LHFPL3: variants seen among roughly 807,000 people sequenced by gnomAD.
The protein encoded by LHFPL3 is LHFPL tetraspan subfamily member 3.
Under a neutral mutation model 19.3 loss-of-function variants are expected in LHFPL3, and 5 were observed. The ratio of observed to expected loss-of-function variants is 0.26; its 90% CI spans 0.14 to 0.54. The LOEUF is 0.54. Among genes scored for constraint, LHFPL3 ranks in the 20% least tolerant of loss-of-function variants. LHFPL3 has a pLI of 0.94. For synonymous variants in LHFPL3, 133 were observed against 126.2 expected (o/e 1.05, Z -0.36); for missense variants, 249 against 307.4 (o/e 0.81, Z 1.42).
chr7:104,361,014 G>GA (rs1790381673), intron 1 of LHFPL3, among the ~76,000 whole-genome samples: 1 of 152,182 alleles, frequency 6.6e-6, no homozygotes, highest in South Asian at 2.1e-4. Context: ...TGTGGCATGT[G>GA]AAAATGACAA....
At position 104,573,020 on chromosome 7, in the gene LHFPL3, CTT is replaced by C. The variant is rs1458224734; in HGVS notation, c.446-163651_446-163650del. 2.0e-5 allele frequency among the ~76,000 whole-genome samples: 3 copies of C among 152,096 alleles called. No individual in the cohort carries two copies. The East Asian group carries it at 5.8e-4, about 29-fold the overall frequency. ...TTCATGACATTTACATTAACAATCT[CTT>C]TTTATTTCTGGCAGCTGATATCCAT... On this transcript the variant is annotated intron_variant, in intron 1 of 2. Transcript: ENST00000424859.
chr7:104,379,731 C>A lies in LHFPL3; in HGVS notation c.445+50507C>A, dbSNP rs192815685. On this transcript the variant is annotated intron_variant, in intron 1 of 2. Transcript: ENST00000424859. ...ACGGAAATGTGGAGAAAAGATTTCA[C>A]CTTTAGGGTAAAGAGAGATGGAGGG... Among the ~76,000 whole-genome samples, 8 of 152,208 alleles carry A rather than the reference C, an allele frequency of 5.3e-5. No homozygotes were observed. In the East Asian group the frequency reaches 1.2e-3, roughly 22 times the overall value.
At chr7:104,472,969 C>G (rs1203114300) in intron 1 of LHFPL3, among the ~76,000 whole-genome samples, 3 of 152,102 alleles carry the variant, frequency 2.0e-5, no homozygotes, top group Admixed American at 1.3e-4. Flanking sequence ...TCACTGGACC[C>G]TCTGGGAGAC....
rs1210516317 is a variant in LHFPL3 at position 104,425,002 on chromosome 7, AAAAG to A, written c.445+95781_445+95784del. Reference sequence around the variant, plus strand: ...ATCTCATAAAAAAAAAAAAAAAAAAAAAAGAAGTATCTGACTCAAAATGTCAGTT... The same window carrying A: ...ATCTCATAAAAAAAAAAAAAAAAAAAAAGTATCTGACTCAAAATGTCAGTT... On this transcript the variant is annotated intron_variant, in intron 1 of 2. Coordinates refer to ENST00000424859, the MANE Select transcript of LHFPL3 (RefSeq NM_199000.3). 6.4e-3 allele frequency among the ~76,000 whole-genome samples: 962 copies of A among 149,662 alleles called. 38 individuals carry two copies. The highest frequency in any genetic ancestry group is 0.022 in the African/African-American group (888 of 39,600).
At chr7:104,419,046 A>G (rs963231007) in intron 1 of LHFPL3, among the ~76,000 whole-genome samples, 3 of 152,252 alleles carry the variant, frequency 2.0e-5, no homozygotes, top group Admixed American at 6.5e-5. Context: ...TATAACTTGC[A>G]TCCTTGTTTA....
At chr7:104,556,296 TC>T (rs901301125) in intron 1 of LHFPL3, among the ~76,000 whole-genome samples, 4 of 151,742 alleles carry the variant, frequency 2.6e-5, no homozygotes, top group Admixed American at 1.3e-4. Context: ...TCCATGAGGG[TC>T]CCCCCCCTGC....
chr7:104,539,051 G>A (rs1035655579), intron 1 of LHFPL3, among the ~76,000 whole-genome samples: 1 of 152,296 alleles, frequency 6.6e-6, no homozygotes, highest in African/African-American at 2.4e-5. Context: ...CAAGCTAGGA[G>A]AGTAAAAAAC....
At chr7:104,352,558 T>G (rs1021039883) in intron 1 of LHFPL3, among the ~76,000 whole-genome samples, 2 of 152,204 alleles carry the variant, frequency 1.3e-5, no homozygotes, top group African/African-American at 2.4e-5. Context: ...GTACAATGCA[T>G]GTCCCCTTTG....
intron 1 of LHFPL3, among the ~76,000 whole-genome samples, chr7:104,449,168 CCATTTGTT>C (rs1238005915): frequency 1.3e-5 from 2 of 152,058 alleles, no homozygotes; most frequent in African/African-American, 4.8e-5. Flanking sequence ...GAATCTGTGC[CCATTTGTT>C]TTTGTAGTGA....
chr7:104,719,687 C>T (rs1452070558), intron 1 of LHFPL3, among the ~76,000 whole-genome samples: 1 of 152,104 alleles, frequency 6.6e-6, no homozygotes, highest in African/African-American at 2.4e-5. Context: ...TTATAAGTAA[C>T]ATGTTAAGCA....
chr7:104,746,298 C>T lies in LHFPL3; in HGVS notation c.682+9387C>T, dbSNP rs138545917. Among the ~76,000 whole-genome samples the T allele has an allele frequency of 7.3e-3, 1,107 of 151,976 alleles. 15 individuals carry two copies. Among genetic ancestry groups the T allele is most frequent in the African/African-American group, 0.024 (994 of 41,420 alleles). ...CTGCACTCCAGCCTAGGAAATAGAG[C>T]GAGACTCCATCTCAAAAAAAAAAGT... On this transcript the variant is annotated intron_variant, in intron 2 of 2. Coordinates refer to ENST00000424859, the MANE Select transcript of LHFPL3 (RefSeq NM_199000.3).
intron 1 of LHFPL3, among the ~76,000 whole-genome samples, chr7:104,488,931 C>CG (rs1252041671): frequency 6.6e-6 from 1 of 152,108 alleles, no homozygotes; most frequent in Non-Finnish European, 1.5e-5. Context: ...CAAAGAGAAC[C>CG]GGGGTTGCAT....
chr7:104,840,082 T>A (rs967630654), intron 2 of LHFPL3, among the ~76,000 whole-genome samples: 4 of 151,930 alleles, frequency 2.6e-5, no homozygotes, highest in African/African-American at 7.3e-5. Flanking sequence ...ATGATGTTAA[T>A]ATTATCATTA....
At chr7:104,586,180 A>C (rs1790572396) in intron 1 of LHFPL3, among the ~76,000 whole-genome samples, 1 of 152,180 alleles carries the variant, frequency 6.6e-6, no homozygotes, top group Admixed American at 6.6e-5. Context: ...AATAAAAGAA[A>C]GTATGTTGGA....
chr7:104,500,827 T>C (rs1455019102), intron 1 of LHFPL3, among the ~76,000 whole-genome samples: 1 of 152,110 alleles, frequency 6.6e-6, no homozygotes, highest in Non-Finnish European at 1.5e-5. Context: ...AAATGCCCTG[T>C]CCTCCTTCAC....
At chr7:104,672,659 G>A (rs1026287545) in intron 1 of LHFPL3, among the ~76,000 whole-genome samples, 3 of 152,104 alleles carry the variant, frequency 2.0e-5, no homozygotes, top group Admixed American at 6.5e-5. Context: ...TTCTCTATCC[G>A]AGTATAATGA....
intron 1 of LHFPL3, among the ~76,000 whole-genome samples, chr7:104,701,646 C>G (rs1010418266): frequency 6.6e-6 from 1 of 152,096 alleles, no homozygotes; most frequent in African/African-American, 2.4e-5. Flanking sequence ...TAAGAAAGTT[C>G]ATGTATAAGC....
chr7:104,699,047 T>G (rs1262156237), intron 1 of LHFPL3, among the ~76,000 whole-genome samples: 2 of 152,200 alleles, frequency 1.3e-5, no homozygotes, highest in African/African-American at 4.8e-5. Flanking sequence ...ATAACAAGTG[T>G]TGGCAAGGAT....
intron 1 of LHFPL3, among the ~76,000 whole-genome samples, chr7:104,494,123 C>T (rs574346591): frequency 6.6e-6 from 1 of 152,186 alleles, no homozygotes; most frequent in South Asian, 2.1e-4. Context: ...CATAGTAAGG[C>T]TTGTCTTATT....
Sources: gnomAD v4.1 joint callset for allele counts (sites outside exome capture counted in the v4.1 genomes callset) on GRCh38, gnomAD v4.1.1 for gene constraint, MANE v1.5 for transcripts, NCBI Gene and HGNC (gene_info 2026-07-23, HGNC 2026-07-21) for gene names.